The following VPS13C variants were observed in gnomAD, a reference collection of about 807,000 sequenced individuals.
VPS13C encodes the protein intermembrane lipid transfer protein VPS13C.
Under a neutral mutation model 456.8 loss-of-function variants are expected in VPS13C, and 358 were observed. The ratio of observed to expected loss-of-function variants is 0.78; its 90% confidence interval spans 0.72 to 0.86. VPS13C has a LOEUF of 0.86. VPS13C is among the 40% of genes least tolerant of loss of function. The pLI, the probability that VPS13C is intolerant of heterozygous loss-of-function variation, is 0.00. For synonymous variants in VPS13C, 1,578 were observed against 1,486.7 expected, an observed-to-expected ratio of 1.06 and a Z score of -1.41; for missense variants, 4,818 against 4,385.4, an observed-to-expected ratio of 1.10 and a Z score of -2.79.
intron 5 of VPS13C, among the ~76,000 whole-genome samples, chr15:62,033,064 A>G (rs931665349): frequency 2.6e-5 from 4 of 151,754 alleles, no homozygotes; most frequent in Non-Finnish European, 5.9e-5. Context: ...TCATTTCACT[A>G]TAGCATTATG....
intron 9 of VPS13C, among the ~76,000 whole-genome samples, chr15:62,016,667 A>G (rs1235706258): frequency 6.6e-6 from 1 of 151,868 alleles, no homozygotes; most frequent in African/African-American, 2.4e-5. Context: ...AATCCAGTCT[A>G]TCACTGTTGG....
intron 66 of VPS13C, chr15:61,906,687 A>G (rs1248659538): frequency 6.5e-6 from 1 of 154,804 alleles, no homozygotes; most frequent in Non-Finnish European, 1.4e-5. Context: ...ACTGGATGAT[A>G]TATTACTAAT....
At chr15:61,983,547 C>T (rs1333753507) in intron 20 of VPS13C, among the ~76,000 whole-genome samples, 3 of 151,666 alleles carry the variant, frequency 2.0e-5, no homozygotes, top group African/African-American at 2.4e-5. Flanking sequence ...AAGTCGTTGG[C>T]AAATAAACAA....
rs779001393 is a variant in VPS13C at position 61,873,248 on chromosome 15, G to A, written c.10576C>T (p.Arg3526Ter). 5.6e-6 allele frequency: 9 copies of A among 1,612,844 alleles called. No individual in the cohort carries two copies. The highest frequency in any genetic ancestry group is 1.7e-5 in the Admixed American group (1 of 59,892). Reference sequence around the variant, plus strand: ...TAAAGATTCAGCAAAGAACTTACTCGCAGAAAGCCCTTTCCTCCTCTGGCC... The same window carrying A: ...TAAAGATTCAGCAAAGAACTTACTCACAGAAAGCCCTTTCCTCCTCTGGCC... ...SLARGGKGFLRGVVGGVTGII... is the reference protein window; with the variant it reads ...SLARGGKGFL The change falls in exon 78 of 85, where the codon CGA becomes TGA. Residue 3526 changes from arginine (R) to a stop codon, truncating the protein, a stop_gained and splice_region_variant. Coordinates refer to ENST00000644861, the MANE Select transcript of VPS13C (RefSeq NM_020821.3). LOFTEE classifies it high-confidence loss of function.
At chr15:61,892,735 A>G (rs557757711) in intron 66 of VPS13C, among the ~76,000 whole-genome samples, 1 of 152,338 alleles carries the variant, frequency 6.6e-6, no homozygotes, top group East Asian at 1.9e-4. Flanking sequence ...GAAAGTCAGC[A>G]ACTTCCAAGG....
At chr15:61,951,494 C>T (rs1486621281) in intron 39 of VPS13C, among the ~76,000 whole-genome samples, 2 of 152,152 alleles carry the variant, frequency 1.3e-5, no homozygotes, top group East Asian at 3.9e-4. Context: ...GGACATGAGA[C>T]TACAGATGAT....
At chr15:61,965,158 T>C (rs914991512) in intron 30 of VPS13C, among the ~76,000 whole-genome samples, 1 of 151,968 alleles carries the variant, frequency 6.6e-6, no homozygotes, top group Non-Finnish European at 1.5e-5. Flanking sequence ...ATATTCAACA[T>C]ACAGACGGCT....
At chr15:61,894,937 T>C (rs1011555638) in intron 66 of VPS13C, among the ~76,000 whole-genome samples, 1 of 152,188 alleles carries the variant, frequency 6.6e-6, no homozygotes, top group Non-Finnish European at 1.5e-5. Flanking sequence ...AGAATACACG[T>C]TCTTCTCATC....
intron 16 of VPS13C, among the ~76,000 whole-genome samples, chr15:61,998,409 T>A (rs977920565): frequency 7.2e-5 from 11 of 152,226 alleles, no homozygotes; most frequent in Non-Finnish European, 1.6e-4. Context: ...TGTTCATTTA[T>A]GTAGGCTAAT....
At chr15:61,982,653 C>T in intron 20 of VPS13C, 80 bp from the exon 21 acceptor site, 3 of 937,516 alleles carry the variant, frequency 3.2e-6, no homozygotes, top group Non-Finnish European at 4.9e-6. Flanking sequence ...CACCTCAATT[C>T]TAAACAGCTG....
chr15:62,002,951 T>C (rs1018110620), intron 15 of VPS13C, among the ~76,000 whole-genome samples: 183 of 152,256 alleles, frequency 1.2e-3, no homozygotes, highest in African/African-American at 4.0e-3. Context: ...AGTCAGGTAG[T>C]GTGATGCCTC....
chr15:61,959,740 T>C lies in VPS13C; in HGVS notation c.3909-145A>G. On this transcript the variant is annotated intron_variant, in intron 35 of 84. Coordinates refer to ENST00000644861, the MANE Select transcript of VPS13C (RefSeq NM_020821.3). Reference sequence around the variant, plus strand: ...TTGAGTATTTTCAAAACTGAACCTATAATTAATCTATAATCCACTAGAAGG... The same window carrying C: ...TTGAGTATTTTCAAAACTGAACCTACAATTAATCTATAATCCACTAGAAGG... 4.1e-6 allele frequency: 3 copies of C among 729,764 alleles called. No individual in the cohort carries two copies. In the East Asian group the frequency reaches 8.4e-5, roughly 20 times the overall value. 45.2% of individuals were successfully genotyped at this position (729,764 alleles called of 1,614,324 possible). A position where few individuals can be genotyped will look rare whatever the true frequency, so the allele number is the denominator to read the frequency against.
chr15:61,876,970 T>C lies in VPS13C; in HGVS notation c.10224+3A>G, dbSNP rs749503030. 34 of 1,594,116 alleles carry C rather than the reference T, an allele frequency of 2.1e-5. No homozygotes were observed. Among genetic ancestry groups the C allele is most frequent in the Non-Finnish European group, 2.8e-5 (33 of 1,167,822 alleles). Reference sequence around the variant, plus strand: ...CTTATGAAATACTATGATAGGAAATTACCTGTTCACTGTAATGCCTAACAA... The same window carrying C: ...CTTATGAAATACTATGATAGGAAATCACCTGTTCACTGTAATGCCTAACAA... On this transcript the variant is annotated splice_donor_region_variant and intron_variant, in intron 75 of 84. Coordinates refer to ENST00000644861, the MANE Select transcript of VPS13C (RefSeq NM_020821.3).
chr15:62,015,944 AATAAAAAAAG>A (rs1390126771), intron 9 of VPS13C, among the ~76,000 whole-genome samples: 16 of 113,228 alleles, frequency 1.4e-4, no homozygotes, highest in Non-Finnish European at 2.9e-4. Flanking sequence ...AAAAATAAAA[AATAAAAAAAG>A]AAGTCCAAAA....
chr15:61,995,575 C>T (rs934374313), intron 16 of VPS13C, among the ~76,000 whole-genome samples: 2 of 152,126 alleles, frequency 1.3e-5, no homozygotes, highest in African/African-American at 2.4e-5. Context: ...AAGAAGAAAG[C>T]TGCCATGTTA....
At chr15:62,035,365 G>C (rs1393142295) in intron 3 of VPS13C, among the ~76,000 whole-genome samples, 1 of 151,804 alleles carries the variant, frequency 6.6e-6, no homozygotes, top group Non-Finnish European at 1.5e-5. Context: ...AGGAAACTCA[G>C]CCCTAGTGAA....
intron 9 of VPS13C, among the ~76,000 whole-genome samples, chr15:62,015,405 T>G (rs2047197930): frequency 6.6e-6 from 1 of 152,038 alleles, no homozygotes; most frequent in South Asian, 2.1e-4. Flanking sequence ...TTGCTTTTGG[T>G]GTTTTGGACA....
chr15:61,921,093 T>G (rs1179126490), intron 55 of VPS13C, among the ~76,000 whole-genome samples: 1 of 152,110 alleles, frequency 6.6e-6, no homozygotes, highest in East Asian at 1.9e-4. Flanking sequence ...AATAAACACT[T>G]AACTAGCCAT....
rs749843782 is a variant in VPS13C, at chr15:62,013,104, T to C, written c.760A>G (p.Ser254Gly). ...KIIYKLIRLD[S>G]LSAYWNVNCS... ...TTTACATTCCAGTAGGCGCTAAGAC[T>C]ATCAAGTCGTATAAGCTATAAGAGA... The change falls in exon 11 of 85, where the codon AGT (serine) becomes GGT (glycine). Residue 254 changes from serine to glycine, a missense_variant. Ser to Gly is a moderately conservative substitution (Grantham distance 56, BLOSUM62 0). Coordinates refer to ENST00000644861, the MANE Select transcript of VPS13C (RefSeq NM_020821.3). 1.1e-5 allele frequency: 17 copies of C among 1,607,844 alleles called. No individual in the cohort carries two copies. The highest frequency in any genetic ancestry group is 1.7e-4 in the Middle Eastern group (1 of 6,038).
Sources: gnomAD v4.1 joint callset for allele counts (sites outside exome capture counted in the v4.1 genomes callset) on GRCh38, gnomAD v4.1.1 for gene constraint, MANE v1.5 for transcripts, NCBI Gene and HGNC (gene_info 2026-07-23, HGNC 2026-07-21) for gene names.